The following MORF4L1 variants were observed in gnomAD, a reference collection of about 807,000 sequenced individuals.
MORF4L1 encodes the protein mortality factor 4-like protein 1.
In MORF4L1, 4 loss-of-function variants were observed where a neutral mutation model predicts 52.9. The observed-to-expected ratio is 0.08, with a 90% CI of 0.04 to 0.17. MORF4L1 has a LOEUF of 0.17. Ranked by LOEUF, MORF4L1 falls within the 10% of genes least tolerant of loss-of-function variation. The pLI, the probability that MORF4L1 is intolerant of heterozygous loss-of-function variation, is 1.00. For missense variants in MORF4L1, 214 were observed against 390.4 expected, an observed-to-expected ratio of 0.55 and a Z score of 3.81; for synonymous variants, 123 against 134.8, an observed-to-expected ratio of 0.91 and a Z score of 0.61.
chr15:78,875,588 G>C (rs1045986942), intron 1 of MORF4L1, among the ~76,000 whole-genome samples: 2 of 150,684 alleles, frequency 1.3e-5, no homozygotes, highest in Admixed American at 6.6e-5. Flanking sequence ...GACCAGCCTG[G>C]TCAGCCTGGT....
At chr15:78,886,358 G>T in intron 4 of MORF4L1, 131 bp downstream of exon 4, 3 of 788,384 alleles carry the variant, frequency 3.8e-6, no homozygotes, top group South Asian at 1.6e-5. Flanking sequence ...CAGCTGCTGT[G>T]TTACAGCTTT....
chr15:78,884,235 C>G (rs1402131808), intron 3 of MORF4L1, among the ~76,000 whole-genome samples: 2 of 150,794 alleles, frequency 1.3e-5, no homozygotes, highest in African/African-American at 4.9e-5. Context: ...AAATTCTTGC[C>G]AGGCGCGATG....
At chr15:78,896,925 A>C in intron 11 of MORF4L1, 58 bp from the exon 12 acceptor site, 1 of 1,293,670 alleles carries the variant, frequency 7.7e-7, no homozygotes, top group Admixed American at 1.8e-5. Flanking sequence ...ATATAGGAAG[A>C]GATTTGGATC....
At chr15:78,892,498 T>C (rs1220475845) in intron 8 of MORF4L1, 185 bp downstream of exon 8, 4 of 472,298 alleles carry the variant, frequency 8.5e-6, no homozygotes, top group Non-Finnish European at 1.5e-5. Context: ...AGAATAAAAG[T>C]TCACATATAA....
Position 78,886,365 on chromosome 15 carries a change from C to T in MORF4L1, c.242+138C>T, listed in dbSNP as rs2056703371. Reference sequence around the variant, plus strand: ...GTACCTTTCAGCTGCTGTGTTACAGCTTTGACTTCAAGCGATCAAGCCATA... The same window carrying T: ...GTACCTTTCAGCTGCTGTGTTACAGTTTTGACTTCAAGCGATCAAGCCATA... On this transcript the variant is annotated intron_variant, in intron 4 of 11. Transcript: ENST00000426013. 1.5e-5 allele frequency: 11 copies of T among 748,904 alleles called. No homozygotes were observed. In the Middle Eastern group the frequency reaches 2.9e-3, roughly 195 times the overall value. 46.4% of individuals were successfully genotyped at this position (748,904 alleles called of 1,614,324 possible). A position where few individuals can be genotyped will look rare whatever the true frequency, so the allele number is the denominator to read the frequency against.
At chr15:78,875,717 C>CGGAGGTTGCAGTA (rs896632275) in intron 1 of MORF4L1, among the ~76,000 whole-genome samples, 9 of 151,202 alleles carry the variant, frequency 6.0e-5, no homozygotes, top group Middle Eastern at 6.8e-3. Flanking sequence ...ACCCGGGAGT[C>CGGAGGTTGCAGTA]GGAGGTTGCA....
intron 2 of MORF4L1, among the ~76,000 whole-genome samples, chr15:78,879,778 A>C (rs1054544050): frequency 6.6e-6 from 1 of 151,954 alleles, no homozygotes; most frequent in Non-Finnish European, 1.5e-5. Flanking sequence ...TCTACCAAAA[A>C]AAAAAAAAAA....
chr15:78,894,746 C>T, intron 10 of MORF4L1, 74 bp from the exon 11 acceptor site: 1 of 1,135,098 alleles, frequency 8.8e-7, no homozygotes, highest in Non-Finnish European at 1.3e-6. Flanking sequence ...GGTGTTTGCT[C>T]ACATAATTAA....
intron 1 of MORF4L1, among the ~76,000 whole-genome samples, chr15:78,876,313 T>G (rs1240331345): frequency 1.3e-5 from 2 of 152,188 alleles, no homozygotes; most frequent in South Asian, 4.1e-4. Context: ...AAGTTTTTTT[T>G]TATTTGATAA....
intron 4 of MORF4L1, among the ~76,000 whole-genome samples, chr15:78,887,043 G>A (rs1224613343): frequency 6.6e-6 from 1 of 151,764 alleles, no homozygotes; most frequent in Non-Finnish European, 1.5e-5. Flanking sequence ...AATTTTCAAT[G>A]CTATGAGAAC....
rs376882886 is a variant in MORF4L1 at position 78,873,075 on chromosome 15, G to A, written c.40+18G>A. ...CCAGGAGGGTGAGTGTGCGCCTTTG[G>A]GAAAAAGGCACCTAACGGCGCAGGA... On this transcript the variant is annotated intron_variant, in intron 1 of 11. Transcript: ENST00000426013. The A allele has an allele frequency of 7.4e-5, 114 of 1,550,826 alleles. 1 individual carries two copies. Among genetic ancestry groups the A allele is most frequent in the Admixed American group, 3.7e-4 (19 of 50,824 alleles).
intron 7 of MORF4L1, 56 bp downstream of exon 7, chr15:78,891,628 T>G: frequency 7.4e-7 from 1 of 1,357,872 alleles, no homozygotes; most frequent in Non-Finnish European, 1.0e-6. Context: ...CTCAGTTACA[T>G]GACATAACCA....
intron 3 of MORF4L1, among the ~76,000 whole-genome samples, chr15:78,883,076 G>A (rs370181536): frequency 2.6e-5 from 4 of 152,154 alleles, no homozygotes; most frequent in African/African-American, 2.4e-5. Context: ...TTAGCCAGGT[G>A]TGGTGGCACA....
At chr15:78,886,847 C>A (rs926649512) in intron 4 of MORF4L1, among the ~76,000 whole-genome samples, 6 of 151,708 alleles carry the variant, frequency 4.0e-5, no homozygotes, top group Non-Finnish European at 5.9e-5. Flanking sequence ...CCCAGCTACT[C>A]CGGAGGCTGA....
At chr15:78,873,638 G>T (rs1431301350) in intron 1 of MORF4L1, 1 of 163,048 alleles carries the variant, frequency 6.1e-6, no homozygotes, top group East Asian at 1.9e-4. Context: ...CGGCGTCTCG[G>T]TCCCGTATGG....
At chr15:78,883,317 A>G (rs941890018) in intron 3 of MORF4L1, among the ~76,000 whole-genome samples, 1 of 152,044 alleles carries the variant, frequency 6.6e-6, no homozygotes, top group Non-Finnish European at 1.5e-5. Flanking sequence ...TTATTTTAGA[A>G]TTTCACCTTA....
At chr15:78,880,977 A>G (rs1010547743) in intron 3 of MORF4L1, among the ~76,000 whole-genome samples, 3 of 152,010 alleles carry the variant, frequency 2.0e-5, no homozygotes, top group African/African-American at 7.2e-5. Flanking sequence ...TGTGCTAAAA[A>G]AAACTAGTTG....
At position 78,890,906 on chromosome 15, in the gene MORF4L1, T is replaced by C. The variant is rs920984280; in HGVS notation, c.324-83T>C. ...CTTTATCCAAGTTAGTATTTCTCTG[T>C]GAACTTAACCCTGATAAAGGGAGTT... On this transcript the variant is annotated intron_variant, in intron 5 of 11. Transcript: ENST00000426013. 16 of 1,250,134 alleles carry C rather than the reference T, an allele frequency of 1.3e-5. No homozygotes were observed. In the African/African-American group the frequency reaches 2.2e-4, roughly 17 times the overall value. 77.4% of individuals were successfully genotyped at this position (1,250,134 alleles called of 1,614,324 possible).
intron 11 of MORF4L1, among the ~76,000 whole-genome samples, chr15:78,895,850 C>A (rs895845259): frequency 3.3e-5 from 5 of 152,010 alleles, no homozygotes; most frequent in Admixed American, 6.6e-5. Context: ...GCAACGTGGA[C>A]TTGAGAATGT....
Sources: allele counts gnomAD v4.1 joint callset (sites outside exome capture counted in the v4.1 genomes callset), GRCh38; gene constraint gnomAD v4.1.1; transcripts MANE v1.5; gene names NCBI Gene and HGNC (gene_info 2026-07-23, HGNC 2026-07-21).